The following FMNL1 variants were observed in gnomAD, a reference collection of about 807,000 sequenced individuals.
FMNL1 encodes the protein formin like 1.
In FMNL1, 43 loss-of-function variants were observed where a neutral mutation model predicts 121.3. That is an observed-to-expected ratio of 0.35 (90% CI 0.28 to 0.46). FMNL1 has a LOEUF of 0.46. FMNL1 is among the 20% of genes least tolerant of loss of function. FMNL1 has a pLI of 1.00. For synonymous variants in FMNL1, 613 were observed against 613.5 expected, an observed-to-expected ratio of 1.00 and a Z score of 0.01; for missense variants, 1,191 against 1,482.4, an observed-to-expected ratio of 0.80 and a Z score of 3.23.
At chr17:45,229,055 C>A (rs1042150782) in intron 1 of FMNL1, among the ~76,000 whole-genome samples, 5 of 152,180 alleles carry the variant, frequency 3.3e-5, no homozygotes, top group African/African-American at 1.2e-4. Context: ...GCGGTTCCCC[C>A]ACCCCCTGCC....
rs758783270 is a variant in FMNL1, at chr17:45,233,648, G to A, written c.402G>A (p.Gly134=). Residue 134 remains glycine (G), a splice_region_variant and synonymous_variant, in exon 5 of 27, where the codon GGG becomes GGA. Transcript: ENST00000331495. The surrounding 1 kb of genome is among the most constrained non-coding windows in gnomAD (Gnocchi z 4.1). ...LETSLRTNHI[G]WVQEFLNEEN... The stretch of plus-strand genomic sequence containing the variant: ...AGCTCAGGGAGCCCTGTGCCCACAG[G>A]TGGGTGCAGGAGTTCCTCAATGAAG... 4 of 1,613,926 alleles carry A rather than the reference G, an allele frequency of 2.5e-6. No individual in the cohort carries two copies. The highest frequency in any genetic ancestry group is 2.7e-5 in the African/African-American group (2 of 74,920).
intron 5 of FMNL1, 42 bp from the exon 6 acceptor site, chr17:45,234,030 C>G: frequency 6.2e-7 from 1 of 1,607,954 alleles, no homozygotes; most frequent in Non-Finnish European, 8.5e-7. Flanking sequence ...TTAAGTGGCC[C>G]CTGCAGTGTT....
rs374954022 is a variant in FMNL1 at position 45,245,298 on chromosome 17, G to A, written c.2774G>A (p.Gly925Asp). 1.2e-6 allele frequency: 2 copies of A among 1,614,108 alleles called. No homozygotes were observed. Among genetic ancestry groups the A allele is most frequent in the Non-Finnish European group, 1.7e-6 (2 of 1,180,046 alleles). ...GCGGACGTGCGCTCCCTGCAGCGAG[G>A]CCTAGAGTTGACACAGAGAGAGTTT... is the stretch of plus-strand genomic sequence containing the variant. ...VLADVRSLQR[G>D]LELTQREFVR... The change falls in exon 22 of 27, where the codon GGC (glycine) becomes GAC (aspartate). Residue 925 changes from glycine (G) to aspartate (D), a missense_variant. Physicochemically the swap from Gly to Asp is moderately conservative, Grantham distance 94. Around this residue, in one of 4 missense-constraint regions of FMNL1, gnomAD observed 367 missense variants for 528.6 expected, o/e 0.69. Transcript: ENST00000331495.
Position 45,233,685 on chromosome 17 carries a change from C to T in FMNL1, c.439C>T (p.Leu147=). ...GTTCCTCAATGAAGAGAACCGTGGC[C>T]TGGATGTGCTGCTCGAGTACCTGGC... ...QEFLNEENRG[L]DVLLEYLAFA... is the part of the protein sequence containing the mutation. Residue 147 remains leucine (L), a synonymous_variant, in exon 5 of 27, where the codon CTG becomes TTG. Transcript: ENST00000331495. The surrounding 1 kb of genome is among the most constrained non-coding windows in gnomAD (Gnocchi z 4.1). 1 of 1,614,078 alleles carries T rather than the reference C, an allele frequency of 6.2e-7. No homozygotes were observed. Among genetic ancestry groups the T allele is most frequent in the Non-Finnish European group, 8.5e-7 (1 of 1,179,992 alleles).
At position 45,234,064 on chromosome 17, in the gene FMNL1, G is replaced by A. The variant is rs1386925884; in HGVS notation, c.486-8G>A. On this transcript the variant is annotated splice_region_variant and splice_polypyrimidine_tract_variant and intron_variant, in intron 5 of 26. Coordinates refer to ENST00000331495, the MANE Select transcript of FMNL1 (RefSeq NM_005892.4). The stretch of plus-strand genomic sequence containing the variant: ...TTGGCCTCCAGCCCCATTGCATCCT[G>A]TCCCCAGGTATGACATGGAGAGCAC... The A allele has an allele frequency of 2.5e-6, 4 of 1,613,712 alleles. No homozygotes were observed. Among genetic ancestry groups the A allele is most frequent in the Non-Finnish European group, 3.4e-6 (4 of 1,179,804 alleles).
chr17:45,233,141 G>GCTGCTGC lies in FMNL1; in HGVS notation c.328-73_328-67dup, dbSNP rs1442840115. Reference sequence around the variant, plus strand: ...TTGTGCCAGTTGGAGGAGGGTGGGCGCTGCTGCCTGCTGCCTCAGGACTTG... The same window carrying GCTGCTGC: ...TTGTGCCAGTTGGAGGAGGGTGGGCGCTGCTGCCTGCTGCCTGCTGCCTCAGGACTTG... On this transcript the variant is annotated intron_variant, in intron 3 of 26. Transcript: ENST00000331495. This position sits in a 1 kb window ranked among gnomAD's most constrained non-coding sequence, Gnocchi z 4.1. The GCTGCTGC allele has an allele frequency of 1.0e-5, 14 of 1,396,452 alleles. No homozygotes were observed. The highest frequency in any genetic ancestry group is 1.4e-5 in the Non-Finnish European group (14 of 1,007,678). The allele number at this position is 1,396,452 out of a possible 1,614,324, so 86.5% of individuals were successfully genotyped here. A position where few individuals can be genotyped will look rare whatever the true frequency, so the allele number is the denominator to read the frequency against.
chr17:45,245,982 CTGCTCCTGGGCT>C lies in FMNL1; in HGVS notation c.3090+12_3090+23del. ...AGCCCCCAGCACCCAAGGTAGGCAA[CTGCTCCTGGGCT>C]TGGTACTGGGCTGCAGGGATGCATG... On this transcript the variant is annotated intron_variant, in intron 24 of 26. Transcript: ENST00000331495. 8 of 1,546,350 alleles carry C rather than the reference CTGCTCCTGGGCT, an allele frequency of 5.2e-6. No individual in the cohort carries two copies. Among genetic ancestry groups the C allele is most frequent in the Non-Finnish European group, 6.9e-6 (8 of 1,152,956 alleles).
intron 1 of FMNL1, among the ~76,000 whole-genome samples, chr17:45,229,729 G>A (rs2043400558): frequency 6.6e-6 from 1 of 152,168 alleles, no homozygotes; most frequent in Non-Finnish European, 1.5e-5. Context: ...CTGGGCTGGC[G>A]CTAACCTGCT....
intron 19 of FMNL1, 126 bp from the exon 20 acceptor site, chr17:45,244,693 A>C (rs2043789030): frequency 1.1e-6 from 1 of 937,768 alleles, no homozygotes; most frequent in Non-Finnish European, 1.6e-6. Context: ...GGGCCTGTGC[A>C]GGAGTACAGT....
At position 45,239,084 on chromosome 17, in the gene FMNL1, C is replaced by G. The variant is rs2043620947; in HGVS notation, c.1080+19C>G. 6.3e-7 allele frequency: 1 copy of G among 1,598,026 alleles called. No homozygotes were observed. The highest frequency in any genetic ancestry group is 2.2e-5 in the East Asian group (1 of 44,790). On this transcript the variant is annotated intron_variant, in intron 11 of 26. Coordinates refer to ENST00000331495, the MANE Select transcript of FMNL1 (RefSeq NM_005892.4). ...CTTGGAGGTAAGCCCTGTACTGCCC[C>G]CCAGACTGAACTGCCTGCCCACGGC...
chr17:45,232,717 A>G, intron 3 of FMNL1: 1 of 610,132 alleles, frequency 1.6e-6, no homozygotes, highest in Non-Finnish European at 3.0e-6. Context: ...GTGTACTTAT[A>G]CTGTGTGTAT....
Position 45,233,516 on chromosome 17 carries a change from C to T in FMNL1, c.402-132C>T. 8.9e-7 allele frequency: 1 copy of T among 1,123,560 alleles called. No individual in the cohort carries two copies. Among genetic ancestry groups the T allele is most frequent in the Admixed American group, 2.2e-5 (1 of 44,638 alleles). The allele number at this position is 1,123,560 out of a possible 1,614,324, so 69.6% of individuals were successfully genotyped here. On this transcript the variant is annotated intron_variant, in intron 4 of 26. Transcript: ENST00000331495. This position sits in a 1 kb window ranked among gnomAD's most constrained non-coding sequence, Gnocchi z 4.1. Reference sequence around the variant, plus strand: ...GGCTGTGGGACCCACCTGAGTCTCCCAGAATCCTTTGGTATCATTGGGTCT... The same window carrying T: ...GGCTGTGGGACCCACCTGAGTCTCCTAGAATCCTTTGGTATCATTGGGTCT...
In FMNL1 at chr17:45,242,033, C is replaced by A. The variant is rs2043713102; in HGVS notation, c.1772C>A (p.Pro591Gln). 1.4e-6 allele frequency: 2 copies of A among 1,384,836 alleles called. No homozygotes were observed. Among genetic ancestry groups the A allele is most frequent in the Non-Finnish European group, 1.9e-6 (2 of 1,069,260 alleles). 85.8% of individuals were successfully genotyped at this position (1,384,836 alleles called of 1,614,324 possible). The change falls in exon 15 of 27, where the codon CCG (proline) becomes CAG (glutamine). Residue 591 changes from proline (P) to glutamine (Q), a missense_variant. Pro to Gln is a moderately conservative substitution (Grantham distance 76). Transcript: ENST00000331495. ...GACCTGCCGCCCCCACCCCCGCCACCGCCACCACCTCCGGGCACTGACGGG... is the reference window on the plus strand; with the variant it reads ...GACCTGCCGCCCCCACCCCCGCCACAGCCACCACCTCCGGGCACTGACGGG... ...PGDLPPPPPP[P>Q]PPPPGTDGPV... is the part of the protein sequence containing the mutation.
At position 45,243,792 on chromosome 17, in the gene FMNL1, T is replaced by C; in HGVS notation, c.2215T>C (p.Tyr739His). ...TCTCCCCTCTCCTCCCTCTCACAGG[T>C]ACGACCTGCAGGCTCTGGGCCTGGA... The part of the protein sequence containing the change: ...AERICQAIEA[Y>H]DLQALGLDFL... The change falls in exon 18 of 27, where the codon TAC becomes CAC. Residue 739 changes from tyrosine (Y) to histidine (H), a missense_variant and splice_region_variant. This residue lies in a region of FMNL1 where 367 missense variants were observed against 528.6 expected (regional missense o/e 0.69). Coordinates refer to ENST00000331495, the MANE Select transcript of FMNL1 (RefSeq NM_005892.4). 10 of 1,608,604 alleles carry C rather than the reference T, an allele frequency of 6.2e-6. No individual in the cohort carries two copies. Among genetic ancestry groups the C allele is most frequent in the Non-Finnish European group, 8.5e-6 (10 of 1,175,704 alleles).
rs982038702 is a variant in FMNL1 at position 45,231,784 on chromosome 17, C to G, written c.214-583C>G. ...AGGGCGGCTGGGTCCGAGTCCTACC[C>G]AGGTGCTGGGTCCCCTTCACGAGGC... On this transcript the variant is annotated intron_variant, in intron 2 of 26. Coordinates refer to ENST00000331495, the MANE Select transcript of FMNL1 (RefSeq NM_005892.4). The surrounding 1 kb of genome is among the most constrained non-coding windows in gnomAD (Gnocchi z 4.7). Among the ~76,000 whole-genome samples, 1 of 152,274 alleles carries G rather than the reference C, an allele frequency of 6.6e-6. No individual in the cohort carries two copies. Among genetic ancestry groups the G allele is most frequent in the South Asian group, 2.1e-4 (1 of 4,830 alleles).
intron 9 of FMNL1, 67 bp from the exon 10 acceptor site, chr17:45,238,497 T>G: frequency 1.3e-6 from 2 of 1,549,094 alleles, no homozygotes; most frequent in East Asian, 4.5e-5. Flanking sequence ...AGCACAGGTG[T>G]GGCAGCCAGA....
intron 9 of FMNL1, chr17:45,238,120 A>G (rs2043591883): frequency 5.2e-6 from 1 of 193,194 alleles, no homozygotes; most frequent in Admixed American, 5.4e-5. Context: ...ATATAGGGAA[A>G]GACAGAAACG....
intron 15 of FMNL1, 21 bp from the exon 16 acceptor site, chr17:45,242,320 G>C (rs1197308767): frequency 6.2e-7 from 1 of 1,612,126 alleles, no homozygotes; most frequent in African/African-American, 1.3e-5. Flanking sequence ...GCTCACCACT[G>C]CCCCCAAACC....
intron 1 of FMNL1, among the ~76,000 whole-genome samples, chr17:45,226,875 C>T (rs2043339512): frequency 6.6e-6 from 1 of 152,148 alleles, no homozygotes; most frequent in African/African-American, 2.4e-5. Context: ...CTCTTTGGGT[C>T]CTCAGCACCT....
Sources: allele counts gnomAD v4.1 joint callset (sites outside exome capture counted in the v4.1 genomes callset), GRCh38; gene constraint gnomAD v4.1.1; regional missense constraint gnomAD v4.1.1; non-coding constraint Gnocchi (gnomAD v3.1); transcripts MANE v1.5; gene names NCBI Gene and HGNC (gene_info 2026-07-23, HGNC 2026-07-21).